The following PRKCH variants were observed in gnomAD, a reference collection of about 807,000 sequenced individuals.
PRKCH encodes the protein protein kinase C eta type.
PRKCH carries 28 observed loss-of-function variants against 82.5 expected under a neutral mutation model. The observed-to-expected ratio is 0.34, with a 90% confidence interval of 0.25 to 0.47. The LOEUF (loss-of-function observed/expected upper bound fraction) is 0.47. PRKCH is among the 20% of genes least tolerant of loss of function. The pLI is 1.00. For synonymous variants in PRKCH, 322 were observed against 327.4 expected (o/e 0.98, Z 0.18); for missense variants, 705 against 881.8 (o/e 0.80, Z 2.54).
intron 1 of PRKCH, among the ~76,000 whole-genome samples, chr14:61,247,515 C>A (rs893275730): frequency 1.7e-4 from 26 of 151,904 alleles, no homozygotes; most frequent in African/African-American, 6.3e-4. Flanking sequence ...GTGGGCAGAT[C>A]ACCTGAGGTC....
chr14:61,540,169 C>A (rs3783755), intron 12 of PRKCH, among the ~76,000 whole-genome samples: 18,808 of 152,170 alleles, frequency 0.12, 1,706 homozygotes, highest in East Asian at 0.46. Context: ...TATTACTTTT[C>A]TTTCCCTTCA....
intron 11 of PRKCH, among the ~76,000 whole-genome samples, chr14:61,530,153 G>C (rs1019340861): frequency 1.3e-5 from 2 of 151,894 alleles, no homozygotes; most frequent in Non-Finnish European, 2.9e-5. Flanking sequence ...TTTCTGTTTG[G>C]GATCTGCACG....
chr14:61,228,636 TGAAAG>T (rs2044716410), intron 1 of PRKCH, among the ~76,000 whole-genome samples: 1 of 152,014 alleles, frequency 6.6e-6, no homozygotes, highest in Admixed American at 6.6e-5. Context: ...TAGTAACAAA[TGAAAG>T]GATAGATGAA....
At chr14:61,326,597 A>G (rs1389186121) in intron 1 of PRKCH, among the ~76,000 whole-genome samples, 1 of 152,256 alleles carries the variant, frequency 6.6e-6, no homozygotes, top group East Asian at 1.9e-4. Context: ...TTATACCTGA[A>G]TAAAGCTGTG....
At chr14:61,236,723 A>AG (rs971851716) in intron 1 of PRKCH, among the ~76,000 whole-genome samples, 1 of 148,322 alleles carries the variant, frequency 6.7e-6, no homozygotes, top group African/African-American at 2.5e-5. Context: ...AAAAAAAAAA[A>AG]AAAAAAAAGA....
chr14:61,540,123 G>A (rs1414446561), intron 12 of PRKCH, among the ~76,000 whole-genome samples: 1 of 152,174 alleles, frequency 6.6e-6, no homozygotes, highest in Admixed American at 6.5e-5. Context: ...AAAACCAGGT[G>A]TCAGGCTGAA....
At chr14:61,482,868 C>T (rs541153181) in intron 9 of PRKCH, among the ~76,000 whole-genome samples, 23 of 152,310 alleles carry the variant, frequency 1.5e-4, no homozygotes, top group Admixed American at 1.2e-3. Context: ...TGGAATTTAG[C>T]CCACAGTCTG....
chr14:61,263,697 TAATC>T (rs139397284), intron 1 of PRKCH, among the ~76,000 whole-genome samples: 14,233 of 152,162 alleles, frequency 0.094, 678 homozygotes, highest in African/African-American at 0.12. Context: ...GAATACAAAA[TAATC>T]AGCCAAGTTC....
intron 9 of PRKCH, among the ~76,000 whole-genome samples, chr14:61,479,238 G>T (rs1194020320): frequency 6.6e-6 from 1 of 152,156 alleles, no homozygotes; most frequent in East Asian, 1.9e-4. Flanking sequence ...CACTGCAAAA[G>T]CAGTTTCCGT....
chr14:61,382,469 A>G (rs2046526354), intron 1 of PRKCH, among the ~76,000 whole-genome samples: 1 of 152,110 alleles, frequency 6.6e-6, no homozygotes, highest in Non-Finnish European at 1.5e-5. Flanking sequence ...AAACAAGAAA[A>G]ACCAATACAA....
At chr14:61,383,944 C>T (rs2046549101) in intron 1 of PRKCH, among the ~76,000 whole-genome samples, 1 of 152,060 alleles carries the variant, frequency 6.6e-6, no homozygotes, top group Non-Finnish European at 1.5e-5. Context: ...TCCTGAAAGC[C>T]AGGTGGAGCA....
At chr14:61,392,289 T>C (rs1406061952) in intron 2 of PRKCH, among the ~76,000 whole-genome samples, 1 of 152,206 alleles carries the variant, frequency 6.6e-6, no homozygotes, top group East Asian at 1.9e-4. Context: ...GGAGTGGAAT[T>C]GCTGGGTAAT....
chr14:61,440,117 G>A (rs1214997530), intron 2 of PRKCH, among the ~76,000 whole-genome samples: 2 of 152,194 alleles, frequency 1.3e-5, no homozygotes, highest in African/African-American at 4.8e-5. Flanking sequence ...TCAGGCTGGT[G>A]ATAACAGAGG....
intron 1 of PRKCH, among the ~76,000 whole-genome samples, chr14:61,237,358 C>A (rs2044799051): frequency 6.6e-6 from 1 of 151,934 alleles, no homozygotes; most frequent in Non-Finnish European, 1.5e-5. Context: ...ATTTCTTTGA[C>A]ATATTTTGAA....
intron 1 of PRKCH, among the ~76,000 whole-genome samples, chr14:61,212,380 G>T (rs2044589610): frequency 6.6e-6 from 1 of 152,128 alleles, no homozygotes; most frequent in Non-Finnish European, 1.5e-5. Flanking sequence ...TCAGAGATTT[G>T]TCACTCTAAA....
chr14:61,542,150 C>T lies in PRKCH; in HGVS notation c.1762-5593C>T, dbSNP rs187833592. Among the ~76,000 whole-genome samples, 99 of 152,032 alleles carry T rather than the reference C, an allele frequency of 6.5e-4. 1 individual carries two copies. Among genetic ancestry groups the T allele is most frequent in the Admixed American group, 4.4e-3 (67 of 15,274 alleles). ...ACTAAAAATACAAAAATTAGTCGGG[C>T]GTGGTGGTGCACACCTGTAATCCCA... On this transcript the variant is annotated intron_variant, in intron 12 of 13. Coordinates refer to ENST00000332981, the MANE Select transcript of PRKCH (RefSeq NM_006255.5).
chr14:61,415,747 C>G (rs2140238718), intron 2 of PRKCH, among the ~76,000 whole-genome samples: 1 of 152,282 alleles, frequency 6.6e-6, no homozygotes, highest in East Asian at 1.9e-4. Context: ...TAGGTACACT[C>G]ACATTATTGT....
chr14:61,413,358 C>T (rs1882368806), intron 2 of PRKCH, among the ~76,000 whole-genome samples: 1 of 150,898 alleles, frequency 6.6e-6, no homozygotes, highest in Non-Finnish European at 1.5e-5. Context: ...CTCCTTTTCT[C>T]CCATTCCCTT....
At position 61,257,650 on chromosome 14, in the gene PRKCH, C is replaced by T. The variant is rs374505618; in HGVS notation, c.-19+69982C>T. On this transcript the variant is annotated intron_variant, in intron 1 of 3. Coordinates refer to the PRKCH transcript ENST00000555185. ...ACACACCCCCACACACACACACACACGCATACACACACATTCATGGAGTCT... is the reference window on the plus strand; with the variant it reads ...ACACACCCCCACACACACACACACATGCATACACACACATTCATGGAGTCT... 6.9e-4 allele frequency among the ~76,000 whole-genome samples: 104 copies of T among 151,062 alleles called. 1 individual carries two copies. The East Asian group carries it at 0.015, about 21-fold the overall frequency.
Sources: allele counts gnomAD v4.1 joint callset (sites outside exome capture counted in the v4.1 genomes callset), GRCh38; gene constraint gnomAD v4.1.1; transcripts MANE v1.5; gene names NCBI Gene and HGNC (gene_info 2026-07-23, HGNC 2026-07-21).